GRIA1: variants seen among roughly 807,000 people sequenced by gnomAD.
The protein encoded by GRIA1 is glutamate ionotropic receptor AMPA type subunit 1, also known as glutamate receptor 1.
A neutral mutation model predicts 99.2 loss-of-function variants in GRIA1; 31 were observed. The ratio of observed to expected loss-of-function variants is 0.31; its 90% CI spans 0.23 to 0.42. The LOEUF (loss-of-function observed/expected upper bound fraction) is 0.42. Ranked by LOEUF, GRIA1 falls within the 10% of genes least tolerant of loss-of-function variation. The pLI, the probability that GRIA1 is intolerant of heterozygous loss-of-function variation, is 1.00. For synonymous variants in GRIA1, 438 were observed against 432.4 expected (o/e 1.01, Z -0.16); for missense variants, 782 against 1,157.5 (o/e 0.68, Z 4.71).
At chr5:153,768,770 C>A (rs1416595580) in intron 12 of GRIA1, among the ~76,000 whole-genome samples, 2 of 152,152 alleles carry the variant, frequency 1.3e-5, no homozygotes, top group Admixed American at 6.5e-5. Context: ...AATCTGAAAT[C>A]TATATATTAA....
intron 11 of GRIA1, among the ~76,000 whole-genome samples, chr5:153,745,743 G>A (rs1475415108): frequency 6.6e-6 from 1 of 152,034 alleles, no homozygotes; most frequent in Non-Finnish European, 1.5e-5. Flanking sequence ...ATGACTCATA[G>A]AAGAACATCT....
At chr5:153,569,132 A>G (rs12152942) in intron 2 of GRIA1, among the ~76,000 whole-genome samples, 14,730 of 152,238 alleles carry the variant, frequency 0.097, 788 homozygotes, top group South Asian at 0.19. Context: ...ATTGTAGTTC[A>G]TGGAGAACAG....
intron 2 of GRIA1, among the ~76,000 whole-genome samples, chr5:153,639,659 C>T (rs1179843203): frequency 1.3e-5 from 2 of 151,662 alleles, no homozygotes; most frequent in Non-Finnish European, 2.9e-5. Flanking sequence ...TGTTTATTCA[C>T]ATGTCATCTC....
At chr5:153,570,476 A>G (rs1010655985) in intron 2 of GRIA1, among the ~76,000 whole-genome samples, 3 of 152,214 alleles carry the variant, frequency 2.0e-5, no homozygotes, top group African/African-American at 7.2e-5. Flanking sequence ...ATCTGTGCTA[A>G]GGATAGTGTC....
chr5:153,584,876 G>C (rs1188504174), intron 2 of GRIA1, among the ~76,000 whole-genome samples: 1 of 152,188 alleles, frequency 6.6e-6, no homozygotes, highest in African/African-American at 2.4e-5. Context: ...TAATACAATG[G>C]AAAAGCATAG....
intron 14 of GRIA1, among the ~76,000 whole-genome samples, chr5:153,799,729 G>A (rs746192614): frequency 4.2e-4 from 64 of 152,124 alleles, no homozygotes; most frequent in Admixed American, 2.2e-3. Context: ...ATACCGTCTA[G>A]CTGTCCTCTT....
At chr5:153,615,284 T>C (rs1463151485) in intron 2 of GRIA1, among the ~76,000 whole-genome samples, 3 of 152,184 alleles carry the variant, frequency 2.0e-5, no homozygotes, top group African/African-American at 7.2e-5. Context: ...AAAAGTAAAA[T>C]GTCAGATTTC....
chr5:153,601,904 G>A (rs1015420316), intron 2 of GRIA1, among the ~76,000 whole-genome samples: 3 of 152,198 alleles, frequency 2.0e-5, no homozygotes, highest in African/African-American at 7.2e-5. Flanking sequence ...GATGCCTCCA[G>A]GGCTGCTAGA....
At chr5:153,703,338 T>C (rs1196146496) in intron 10 of GRIA1, among the ~76,000 whole-genome samples, 1 of 152,214 alleles carries the variant, frequency 6.6e-6, no homozygotes, top group East Asian at 1.9e-4. Context: ...TTCTGGGAAG[T>C]TCTGCCCCAA....
intron 11 of GRIA1, chr5:153,755,653 C>T (rs1762780736): frequency 6.6e-6 from 1 of 152,180 alleles, no homozygotes; most frequent in African/African-American, 2.4e-5. Flanking sequence ...GCACTGCAGC[C>T]TGGGCAACAT....
intron 2 of GRIA1, among the ~76,000 whole-genome samples, chr5:153,591,553 T>C (rs1234605747): frequency 1.3e-5 from 2 of 152,192 alleles, no homozygotes; most frequent in Non-Finnish European, 2.9e-5. Context: ...TTCACTCAAC[T>C]GTGAGCTCCT....
intron 11 of GRIA1, among the ~76,000 whole-genome samples, chr5:153,746,931 C>A (rs1297760890): frequency 6.6e-6 from 1 of 152,170 alleles, no homozygotes; most frequent in Non-Finnish European, 1.5e-5. Flanking sequence ...CCCTTCTCAG[C>A]ACAGTGAAAA....
intron 2 of GRIA1, among the ~76,000 whole-genome samples, chr5:153,591,405 T>G (rs1474313859): frequency 6.6e-6 from 1 of 152,202 alleles, no homozygotes; most frequent in Non-Finnish European, 1.5e-5. Flanking sequence ...CCATTGAGTA[T>G]CGCACGAAAA....
At chr5:153,723,590 T>C (rs994524400) in intron 11 of GRIA1, among the ~76,000 whole-genome samples, 1 of 152,158 alleles carries the variant, frequency 6.6e-6, no homozygotes, top group African/African-American at 2.4e-5. Flanking sequence ...CAGGAGATTA[T>C]ATCCCCCACC....
intron 2 of GRIA1, among the ~76,000 whole-genome samples, chr5:153,507,669 C>A (rs1290515324): frequency 1.3e-5 from 2 of 152,192 alleles, no homozygotes; most frequent in Non-Finnish European, 1.5e-5. Context: ...TTCTGACTGT[C>A]ATCTTCATGA....
At chr5:153,707,572 T>G (rs1758994887) in intron 11 of GRIA1, among the ~76,000 whole-genome samples, 1 of 152,198 alleles carries the variant, frequency 6.6e-6, no homozygotes, top group South Asian at 2.1e-4. Flanking sequence ...GGCTCAGAAT[T>G]TGGCCTCCAT....
intron 2 of GRIA1, among the ~76,000 whole-genome samples, chr5:153,589,257 AAAG>A (rs1172744187): frequency 1.3e-5 from 2 of 152,160 alleles, no homozygotes; most frequent in Non-Finnish European, 2.9e-5. Context: ...AGGAAGAAAA[AAAG>A]AAGCAATATC....
intron 11 of GRIA1, among the ~76,000 whole-genome samples, chr5:153,734,184 C>T (rs1196577551): frequency 6.6e-6 from 1 of 152,196 alleles, no homozygotes; most frequent in Non-Finnish European, 1.5e-5. Flanking sequence ...CCAACCCTTG[C>T]TTTCATGTAA....
At chr5:153,669,035 G>A (rs1419485554) in intron 5 of GRIA1, among the ~76,000 whole-genome samples, 1 of 152,186 alleles carries the variant, frequency 6.6e-6, no homozygotes, top group Non-Finnish European at 1.5e-5. Flanking sequence ...TGTGATCTCA[G>A]GGAAATTTCC....
Sources: allele counts gnomAD v4.1 joint callset (sites outside exome capture counted in the v4.1 genomes callset), GRCh38; gene constraint gnomAD v4.1.1; transcripts MANE v1.5; gene names NCBI Gene and HGNC (gene_info 2026-07-23, HGNC 2026-07-21).